Variants in MYT1L observed in about 807,000 individuals in gnomAD.
MYT1L encodes myelin transcription factor 1 like.
Under a neutral mutation model 126.7 loss-of-function variants are expected in MYT1L, and 12 were observed. The observed-to-expected ratio is 0.09, with a 90% CI of 0.06 to 0.15. The LOEUF (loss-of-function observed/expected upper bound fraction) is 0.15. Among genes scored for constraint, MYT1L ranks in the 10% least tolerant of loss-of-function variants. MYT1L has a pLI of 1.00. For synonymous variants in MYT1L, 541 were observed against 604.2 expected, an observed-to-expected ratio of 0.90 and a Z score of 1.53; for missense variants, 979 against 1,585.2, an observed-to-expected ratio of 0.62 and a Z score of 6.49.
At chr2:1,797,392 T>C (rs917467818) in intron 23 of MYT1L, among the ~76,000 whole-genome samples, 1 of 152,212 alleles carries the variant, frequency 6.6e-6, no homozygotes, top group Admixed American at 6.5e-5. Context: ...CTAGGCTTTT[T>C]TGTATTTTTA....
At chr2:2,169,762 C>A (rs1274161038) in intron 3 of MYT1L, among the ~76,000 whole-genome samples, 2 of 152,118 alleles carry the variant, frequency 1.3e-5, no homozygotes, top group African/African-American at 4.8e-5. Flanking sequence ...CCGGCTCTGC[C>A]CCACGGACTG....
At chr2:2,255,957 C>T (rs1316951175) in intron 2 of MYT1L, among the ~76,000 whole-genome samples, 3 of 152,174 alleles carry the variant, frequency 2.0e-5, no homozygotes, top group African/African-American at 4.8e-5. Context: ...CCTTGCTTTG[C>T]TCCCTGGTAC....
intron 13 of MYT1L, among the ~76,000 whole-genome samples, chr2:1,907,329 G>A (rs139307910): frequency 5.9e-5 from 9 of 152,130 alleles, no homozygotes; most frequent in East Asian, 1.9e-4. Flanking sequence ...GGGAGGGGGC[G>A]GTGTGGTAAG....
At chr2:2,268,107 T>C (rs1443732666) in intron 2 of MYT1L, among the ~76,000 whole-genome samples, 2 of 152,222 alleles carry the variant, frequency 1.3e-5, no homozygotes, top group Non-Finnish European at 2.9e-5. Context: ...AAGGTCATTT[T>C]CCAATTCCAT....
At chr2:1,927,289 ACACAT>A in intron 9 of MYT1L, among the ~76,000 whole-genome samples, 1 of 152,346 alleles carries the variant, frequency 6.6e-6, no homozygotes, top group East Asian at 1.9e-4. Flanking sequence ...CTGTTGCATT[ACACAT>A]GAGATTTCAA....
At chr2:1,826,375 CG>C (rs1558668205) in intron 21 of MYT1L, among the ~76,000 whole-genome samples, 1 of 151,936 alleles carries the variant, frequency 6.6e-6, no homozygotes, top group African/African-American at 2.4e-5. Flanking sequence ...GGCTGGGGGG[CG>C]GGCGAATGTG....
In MYT1L at chr2:2,276,826, C is replaced by A. The variant is rs962495083; in HGVS notation, c.-421+7578G>T. Among the ~76,000 whole-genome samples, 4 of 152,138 alleles carry A rather than the reference C, an allele frequency of 2.6e-5. No individual in the cohort carries two copies. The East Asian group carries it at 7.7e-4, about 29-fold the overall frequency. ...TTGCCTCCATATCAGATGCTGGAGC[C>A]TGTTACTCCACACCCCCCTGGAAGC... On this transcript the variant is annotated intron_variant, in intron 2 of 24. Coordinates refer to ENST00000647738, the MANE Select transcript of MYT1L (RefSeq NM_001303052.2).
rs552819491 is a variant in MYT1L at position 1,800,644 on chromosome 2, C to T, written c.3276+1052G>A. Reference sequence around the variant, plus strand: ...GTTGAGCAGAGCCGTTGACCACACCCGGCTGACTATGGGAAAGGCCCTCAA... The same window carrying T: ...GTTGAGCAGAGCCGTTGACCACACCTGGCTGACTATGGGAAAGGCCCTCAA... On this transcript the variant is annotated intron_variant, in intron 23 of 24. Transcript: ENST00000647738. Among the ~76,000 whole-genome samples the T allele has an allele frequency of 2.4e-3, 360 of 152,300 alleles. 1 individual carries two copies. The highest frequency in any genetic ancestry group is 7.9e-3 in the African/African-American group (327 of 41,566).
At chr2:2,057,035 A>C (rs2069668529) in intron 3 of MYT1L, among the ~76,000 whole-genome samples, 1 of 152,180 alleles carries the variant, frequency 6.6e-6, no homozygotes, top group Non-Finnish European at 1.5e-5. Flanking sequence ...GCCAATGACA[A>C]CATTTTGCAG....
At chr2:2,324,703 G>T (rs1263568353) in intron 1 of MYT1L, 1 of 152,686 alleles carries the variant, frequency 6.5e-6, no homozygotes, top group Non-Finnish European at 1.5e-5. Flanking sequence ...CGTGCATCAG[G>T]CTCACGCTCC....
intron 5 of MYT1L, among the ~76,000 whole-genome samples, chr2:1,982,625 G>A (rs918030751): frequency 6.6e-6 from 1 of 152,210 alleles, no homozygotes; most frequent in South Asian, 2.1e-4. Flanking sequence ...GGAACAGGAC[G>A]TGTAAAGACC....
intron 1 of MYT1L, among the ~76,000 whole-genome samples, chr2:2,298,347 A>C (rs1291994062): frequency 1.3e-5 from 2 of 152,212 alleles, no homozygotes; most frequent in African/African-American, 2.4e-5. Context: ...TAAGAGATGC[A>C]ATGAGAGACC....
intron 3 of MYT1L, among the ~76,000 whole-genome samples, chr2:2,122,872 T>TGTGTGTGA (rs553951630): frequency 1.0e-3 from 137 of 133,064 alleles, no homozygotes; most frequent in African/African-American, 3.5e-3. Context: ...TGTGTGTGTG[T>TGTGTGTGA]GAGAGAGAGA....
intron 1 of MYT1L, among the ~76,000 whole-genome samples, chr2:2,290,801 T>C (rs2095587679): frequency 1.3e-5 from 2 of 151,794 alleles, no homozygotes; most frequent in Middle Eastern, 3.2e-3. Context: ...GGCATCAGTA[T>C]TTTTTTTAAG....
At chr2:1,892,573 C>A (rs957302268) in intron 14 of MYT1L, among the ~76,000 whole-genome samples, 2 of 151,002 alleles carry the variant, frequency 1.3e-5, no homozygotes, top group African/African-American at 4.9e-5. Context: ...ACCTCACACC[C>A]AGCACAGGCG....
rs2032710650 is a variant in MYT1L at position 1,793,565 on chromosome 2, C to T, written c.3277-1101G>A. Among the ~76,000 whole-genome samples, 2 of 152,192 alleles carry T rather than the reference C, an allele frequency of 1.3e-5. No individual in the cohort carries two copies. Among genetic ancestry groups the T allele is most frequent in the African/African-American group, 4.8e-5 (2 of 41,460 alleles). Reference sequence around the variant, plus strand: ...ATGTTCTGGCCCTCCCTTGGCTGTACTGGGTCAAATCCCGGGTTCTCCCAG... The same window carrying T: ...ATGTTCTGGCCCTCCCTTGGCTGTATTGGGTCAAATCCCGGGTTCTCCCAG... On this transcript the variant is annotated intron_variant, in intron 23 of 24. Transcript: ENST00000647738. The surrounding 1 kb of genome is among the most constrained non-coding windows in gnomAD (Gnocchi z 4.6).
intron 4 of MYT1L, among the ~76,000 whole-genome samples, chr2:2,001,291 A>T (rs2062370220): frequency 7.1e-6 from 1 of 140,598 alleles, no homozygotes; most frequent in Admixed American, 7.2e-5. Flanking sequence ...ATGTTCTGGA[A>T]GGTTTTCTAA....
chr2:2,096,117 C>T (rs944047087), intron 3 of MYT1L, among the ~76,000 whole-genome samples: 5 of 152,146 alleles, frequency 3.3e-5, no homozygotes, highest in Non-Finnish European at 7.3e-5. Context: ...ATGACCACAG[C>T]GAATATTTAA....
intron 23 of MYT1L, among the ~76,000 whole-genome samples, chr2:1,798,675 G>A (rs1364910458): frequency 6.6e-6 from 1 of 152,202 alleles, no homozygotes; most frequent in Non-Finnish European, 1.5e-5. Flanking sequence ...TCCCCTTCCT[G>A]GCCATGCTCC....
Sources: allele counts gnomAD v4.1 joint callset (sites outside exome capture counted in the v4.1 genomes callset), GRCh38; gene constraint gnomAD v4.1.1; non-coding constraint Gnocchi (gnomAD v3.1); transcripts MANE v1.5; gene names NCBI Gene and HGNC (gene_info 2026-07-23, HGNC 2026-07-21).